TMEM182: variants seen among roughly 807,000 people sequenced by gnomAD.
TMEM182 encodes transmembrane protein 182.
A neutral mutation model predicts 26.8 loss-of-function variants in TMEM182; 20 were observed. The ratio of observed to expected loss-of-function variants is 0.75; its 90% CI spans 0.53 to 1.09. The LOEUF is 1.09. Ranked by LOEUF, TMEM182 falls within the 50% of genes least tolerant of loss-of-function variation. The pLI is 0.00. For missense variants in TMEM182, 277 were observed against 275.5 expected, an observed-to-expected ratio of 1.01 and a Z score of -0.04; for synonymous variants, 109 against 102.2, an observed-to-expected ratio of 1.07 and a Z score of -0.40.
At chr2:102,778,253 T>C (rs1379876441) in intron 3 of TMEM182, among the ~76,000 whole-genome samples, 1 of 152,010 alleles carries the variant, frequency 6.6e-6, no homozygotes, top group Admixed American at 6.5e-5. Context: ...TTTTTATCAA[T>C]ATGTGATGTT....
intron 3 of TMEM182, among the ~76,000 whole-genome samples, chr2:102,836,167 C>T (rs1012053593): frequency 5.3e-5 from 8 of 152,106 alleles, no homozygotes; most frequent in African/African-American, 1.7e-4. Flanking sequence ...TTCTAAGTTT[C>T]GGCAATTATG....
chr2:102,754,536 C>T (rs1256356551), intron 1 of TMEM182, among the ~76,000 whole-genome samples: 1 of 152,180 alleles, frequency 6.6e-6, no homozygotes, highest in African/African-American at 2.4e-5. Context: ...TTTGGTAAAC[C>T]ATTCCAGTTT....
At chr2:102,806,571 A>G (rs1682357337) in intron 4 of TMEM182, among the ~76,000 whole-genome samples, 1 of 152,198 alleles carries the variant, frequency 6.6e-6, no homozygotes, top group African/African-American at 2.4e-5. Flanking sequence ...CTGTCCTGAA[A>G]TAGCCCAGTC....
chr2:102,798,765 C>G (rs1291934930), intron 4 of TMEM182, among the ~76,000 whole-genome samples: 1 of 151,952 alleles, frequency 6.6e-6, no homozygotes. Flanking sequence ...CACTTGAACT[C>G]GGGAGGCGGA....
chr2:102,826,317 T>C (rs1469193903), intron 3 of TMEM182, among the ~76,000 whole-genome samples: 1 of 151,600 alleles, frequency 6.6e-6, no homozygotes, highest in Non-Finnish European at 1.5e-5. Flanking sequence ...TTTTTTTTTT[T>C]TTTTAACAAA....
chr2:102,834,671 C>T (rs2540320), intron 3 of TMEM182, among the ~76,000 whole-genome samples: 7,486 of 152,252 alleles, frequency 0.049, 237 homozygotes, highest in Non-Finnish European at 0.076. Context: ...TCTCTGAATA[C>T]TTAGTCTGCT....
intron 3 of TMEM182, among the ~76,000 whole-genome samples, chr2:102,784,606 C>A (rs1681311266): frequency 6.6e-6 from 1 of 152,134 alleles, no homozygotes; most frequent in African/African-American, 2.4e-5. Context: ...TGAAAGCAAG[C>A]TTATTAAGAA....
intron 3 of TMEM182, among the ~76,000 whole-genome samples, chr2:102,781,787 G>T (rs956389716): frequency 6.6e-6 from 1 of 152,130 alleles, no homozygotes; most frequent in East Asian, 1.9e-4. Flanking sequence ...AACATTTGAC[G>T]TAAGGTTTTG....
chr2:102,840,191 G>A (rs1683322446), intron 3 of TMEM182, among the ~76,000 whole-genome samples: 2 of 152,170 alleles, frequency 1.3e-5, no homozygotes, highest in African/African-American at 2.4e-5. Flanking sequence ...AGCACATCTC[G>A]AAGGGTGGAG....
chr2:102,812,591 T>A (rs1040084694), intron 4 of TMEM182, among the ~76,000 whole-genome samples: 1 of 152,224 alleles, frequency 6.6e-6, no homozygotes, highest in African/African-American at 2.4e-5. Context: ...TAAATATAAG[T>A]TAATTCTTTC....
intron 4 of TMEM182, among the ~76,000 whole-genome samples, chr2:102,813,219 C>T (rs569633977): frequency 1.3e-5 from 2 of 152,230 alleles, no homozygotes; most frequent in South Asian, 2.1e-4. Flanking sequence ...TTTATGAGCC[C>T]TTCTTCTTTT....
upstream of TMEM182, chr2:102,757,639 T>C (rs2732837): frequency 0.48 from 73,376 of 152,058 alleles, 18,451 homozygotes; most frequent in African/African-American, 0.63. Flanking sequence ...ATCAACTTCT[T>C]CTACAGTATT....
At chr2:102,792,594 C>A (rs1681694606) in intron 3 of TMEM182, among the ~76,000 whole-genome samples, 2 of 152,176 alleles carry the variant, frequency 1.3e-5, no homozygotes, top group Admixed American at 1.3e-4. Context: ...AAGTATGGTG[C>A]ATGTGAAAAC....
chr2:102,812,384 T>TACACACACAC (rs61175945), intron 4 of TMEM182, among the ~76,000 whole-genome samples: 81 of 143,324 alleles, frequency 5.7e-4, no homozygotes, highest in African/African-American at 1.9e-3. Context: ...TCTACACATG[T>TACACACACAC]ACACACACAC....
intron 3 of TMEM182, among the ~76,000 whole-genome samples, chr2:102,786,788 C>T (rs1277904660): frequency 6.6e-6 from 1 of 152,076 alleles, no homozygotes; most frequent in African/African-American, 2.4e-5. Flanking sequence ...TTATTGAGCA[C>T]CTATTACATG....
chr2:102,760,158 G>C (rs1339153254), upstream of TMEM182, among the ~76,000 whole-genome samples: 1 of 152,220 alleles, frequency 6.6e-6, no homozygotes, highest in Non-Finnish European at 1.5e-5. Context: ...AGAACGGAGA[G>C]GAGGAGGTCT....
chr2:102,743,176 G>T (rs1679590780), intron 1 of TMEM182, among the ~76,000 whole-genome samples: 1 of 152,100 alleles, frequency 6.6e-6, no homozygotes, highest in African/African-American at 2.4e-5. Flanking sequence ...AAGTCATAAG[G>T]TATCAACAAT....
chr2:102,775,271 G>C (rs1680861717), intron 3 of TMEM182: 1 of 152,128 alleles, frequency 6.6e-6, no homozygotes, highest in African/African-American at 2.4e-5. Flanking sequence ...CATATAAACA[G>C]AACCAAAGAC....
rs188469810 is a variant in TMEM182 at position 102,831,093 on chromosome 2, A to T, written c.326-12319A>T. ...TTGTGTGTATGTCCACCTTTTCTTT[A>T]TCTGCTCATCTGTTGATGGACACTT... On this transcript the variant is annotated intron_variant, in intron 3 of 3. Transcript: ENST00000486293. 2.3e-4 allele frequency among the ~76,000 whole-genome samples: 35 copies of T among 152,198 alleles called. No individual in the cohort carries two copies. The East Asian group carries it at 6.8e-3, about 29-fold the overall frequency.
Sources: allele counts gnomAD v4.1 joint callset (sites outside exome capture counted in the v4.1 genomes callset), GRCh38; gene constraint gnomAD v4.1.1; transcripts MANE v1.5; gene names NCBI Gene and HGNC (gene_info 2026-07-23, HGNC 2026-07-21).